The following EYS variants were observed in gnomAD, a reference collection of about 807,000 sequenced individuals.
The protein encoded by EYS is protein eyes shut homolog.
In EYS, 250 loss-of-function variants were observed where a neutral mutation model predicts 282.1. The ratio of observed to expected loss-of-function variants is 0.89; its 90% CI spans 0.80 to 0.98. The LOEUF (loss-of-function observed/expected upper bound fraction) is 0.98, where lower values mean the gene tolerates loss of function less well. EYS is among the 50% of genes least tolerant of loss of function. The pLI, the probability that EYS is intolerant of heterozygous loss-of-function variation, is 0.00. For synonymous variants in EYS, 1,355 were observed against 1,282.9 expected, an observed-to-expected ratio of 1.06 and a Z score of -1.20; for missense variants, 4,016 against 3,709.0, an observed-to-expected ratio of 1.08 and a Z score of -2.15.
chr6:64,331,722 G>A (rs1770654419), intron 29 of EYS, among the ~76,000 whole-genome samples: 1 of 152,160 alleles, frequency 6.6e-6, no homozygotes, highest in South Asian at 2.1e-4. Flanking sequence ...CCATTTGTGA[G>A]CAATGTTTAA....
At position 65,571,759 on chromosome 6, in the gene EYS, C is replaced by G. The variant is rs529975159; in HGVS notation, c.-333+68019G>C. 7.9e-5 allele frequency among the ~76,000 whole-genome samples: 12 copies of G among 151,962 alleles called. No homozygotes were observed. The South Asian group carries it at 2.5e-3, about 32-fold the overall frequency. The stretch of plus-strand genomic sequence containing the variant: ...GCCCAAGTTCAGTCTATATAGAAAG[C>G]TTTTATAAAAAACATTTTTTAAAAA... On this transcript the variant is annotated intron_variant, in intron 2 of 42. Transcript: ENST00000503581.
At chr6:64,766,111 A>G (rs1048016095) in intron 22 of EYS, among the ~76,000 whole-genome samples, 9 of 151,510 alleles carry the variant, frequency 5.9e-5, no homozygotes, top group Non-Finnish European at 1.3e-4. Context: ...TATTTTTAGT[A>G]GAGATGGGGT....
chr6:63,767,200 C>G (rs1292405558), intron 40 of EYS, among the ~76,000 whole-genome samples: 1 of 152,052 alleles, frequency 6.6e-6, no homozygotes, highest in Non-Finnish European at 1.5e-5. Flanking sequence ...CTCACCACTC[C>G]TATTCAACAC....
At position 65,245,409 on chromosome 6, in the gene EYS, A is replaced by T. The variant is rs893407752; in HGVS notation, c.2023+50454T>A. Among the ~76,000 whole-genome samples the T allele has an allele frequency of 6.6e-5, 10 of 152,234 alleles. No individual in the cohort carries two copies. In the East Asian group the frequency reaches 1.9e-3, roughly 29 times the overall value. ...CTAAGATGGATAATTGCAATCCAGG[A>T]TTCAGGCAAATTAAAACTGTATTTC... is the stretch of plus-strand genomic sequence containing the variant. On this transcript the variant is annotated intron_variant, in intron 12 of 42. Coordinates refer to ENST00000503581, the MANE Select transcript of EYS (RefSeq NM_001142800.2).
intron 2 of EYS, among the ~76,000 whole-genome samples, chr6:65,606,878 C>T (rs1765814625): frequency 8.8e-5 from 2 of 22,710 alleles, no homozygotes; most frequent in Admixed American, 1.5e-3. Flanking sequence ...TAGTCTCTTC[C>T]AAAGTATTTT....
intron 29 of EYS, among the ~76,000 whole-genome samples, chr6:64,383,082 G>T (rs115987161): frequency 6.6e-6 from 1 of 152,260 alleles, no homozygotes; most frequent in Non-Finnish European, 1.5e-5. Context: ...GAGCTCAGGA[G>T]TTTGAGACAA....
chr6:65,444,907 A>C (rs1768593345), intron 5 of EYS, among the ~76,000 whole-genome samples: 1 of 152,038 alleles, frequency 6.6e-6, no homozygotes, highest in African/African-American at 2.4e-5. Context: ...CAATTAATTC[A>C]TGCTTTTTCA....
intron 33 of EYS, among the ~76,000 whole-genome samples, chr6:64,027,493 G>A (rs1270663226): frequency 2.6e-5 from 4 of 152,160 alleles, no homozygotes; most frequent in Non-Finnish European, 5.9e-5. Context: ...GGCAACCTCG[G>A]TGTTCTATAA....
chr6:65,391,229 T>A (rs1343481813), intron 7 of EYS, among the ~76,000 whole-genome samples: 1 of 152,120 alleles, frequency 6.6e-6, no homozygotes, highest in African/African-American at 2.4e-5. Flanking sequence ...CTGTCCCCTA[T>A]AACAATATTG....
intron 1 of EYS, among the ~76,000 whole-genome samples, chr6:65,658,220 TCA>T (rs1304850414): frequency 2.0e-5 from 3 of 151,602 alleles, no homozygotes; most frequent in Admixed American, 1.3e-4. Context: ...TGAGAAACTG[TCA>T]CAGTCTATAT....
At chr6:64,239,565 C>T in intron 30 of EYS, among the ~76,000 whole-genome samples, 1 of 149,662 alleles carries the variant, frequency 6.7e-6, no homozygotes, top group African/African-American at 2.4e-5. Flanking sequence ...TGAGAAGTGT[C>T]TGTTCATATC....
chr6:65,696,556 G>T (rs1769464172), intron 1 of EYS, among the ~76,000 whole-genome samples: 1 of 151,840 alleles, frequency 6.6e-6, no homozygotes, highest in South Asian at 2.1e-4. Flanking sequence ...TGATAAGCTA[G>T]ATTATTAAAT....
chr6:64,486,706 T>C (rs1776587409), intron 26 of EYS, among the ~76,000 whole-genome samples: 1 of 151,334 alleles, frequency 6.6e-6, no homozygotes, highest in Non-Finnish European at 1.5e-5. Flanking sequence ...AAAGTCAACG[T>C]AGAATAATAT....
At chr6:65,231,174 A>ATATATATATTT (rs1290425539) in intron 12 of EYS, among the ~76,000 whole-genome samples, 25 of 139,854 alleles carry the variant, frequency 1.8e-4, no homozygotes, top group South Asian at 1.5e-3. Flanking sequence ...TATATATTTT[A>ATATATATATTT]TATATATATA....
At chr6:65,124,172 C>A (rs533095706) in intron 12 of EYS, among the ~76,000 whole-genome samples, 4 of 150,770 alleles carry the variant, frequency 2.7e-5, no homozygotes, top group African/African-American at 9.8e-5. Context: ...GACACTGTCT[C>A]AAAAATAAAA....
At chr6:64,775,221 C>T (rs763560078) in intron 22 of EYS, among the ~76,000 whole-genome samples, 4 of 151,958 alleles carry the variant, frequency 2.6e-5, no homozygotes, top group African/African-American at 4.8e-5. Flanking sequence ...TCTGCATTGC[C>T]ACCTTGAGTA....
intron 40 of EYS, among the ~76,000 whole-genome samples, chr6:63,776,288 C>T (rs1456174535): frequency 6.6e-6 from 1 of 152,054 alleles, no homozygotes; most frequent in Non-Finnish European, 1.5e-5. Flanking sequence ...AAATAAAGAG[C>T]GACTTAACAC....
rs530324198 is a variant in EYS, at chr6:64,714,769, G to A, written c.3444-88524C>T. On this transcript the variant is annotated intron_variant, in intron 22 of 42. Coordinates refer to ENST00000503581, the MANE Select transcript of EYS (RefSeq NM_001142800.2). ...TCTCAATCTCCTGACCTCGTGATCC[G>A]CCTGCCTCGGCCTCCCAAAGTGCTG... is the stretch of plus-strand genomic sequence containing the variant. Among the ~76,000 whole-genome samples, 17 of 151,884 alleles carry A rather than the reference G, an allele frequency of 1.1e-4. No homozygotes were observed. The South Asian group carries it at 3.5e-3, about 32-fold the overall frequency.
chr6:64,580,405 T>C (rs1391931508), intron 26 of EYS, among the ~76,000 whole-genome samples: 1 of 152,116 alleles, frequency 6.6e-6, no homozygotes, highest in Non-Finnish European at 1.5e-5. Flanking sequence ...CAATAGGCAG[T>C]GGCATTTGAA....
Sources: gnomAD v4.1 joint callset for allele counts (sites outside exome capture counted in the v4.1 genomes callset) on GRCh38, gnomAD v4.1.1 for gene constraint, MANE v1.5 for transcripts, NCBI Gene and HGNC (gene_info 2026-07-23, HGNC 2026-07-21) for gene names.